The following CDK6 variants were observed in gnomAD, a reference collection of about 807,000 sequenced individuals.
CDK6 encodes cyclin-dependent kinase 6.
In CDK6, 6 loss-of-function variants were observed where a neutral mutation model predicts 37.1. The ratio of observed to expected loss-of-function variants is 0.16; its 90% CI spans 0.09 to 0.32. The LOEUF is 0.32. Among genes scored for constraint, CDK6 ranks in the 10% least tolerant of loss-of-function variants. The pLI is 1.00. For missense variants in CDK6, 224 were observed against 418.9 expected, an observed-to-expected ratio of 0.53 and a Z score of 4.06; for synonymous variants, 160 against 161.3, an observed-to-expected ratio of 0.99 and a Z score of 0.06.
At chr7:92,641,764 T>C (rs1383162621) in intron 5 of CDK6, among the ~76,000 whole-genome samples, 1 of 152,206 alleles carries the variant, frequency 6.6e-6, no homozygotes. Flanking sequence ...TGGGAGAGGA[T>C]AGCACCTGTC....
chr7:92,740,216 C>T (rs1798887168), intron 3 of CDK6, among the ~76,000 whole-genome samples: 1 of 152,232 alleles, frequency 6.6e-6, no homozygotes, highest in East Asian at 1.9e-4. Flanking sequence ...ATCCCTGTTA[C>T]TATGCTCTGA....
Position 92,733,842 on chromosome 7 carries a change from C to A in CDK6, c.370-8049G>T, listed in dbSNP as rs377108047. ...CTCTTTCCACTCTTTATAAAACATT[C>A]CTGAATATTTTTTGAAAATAAAAAT... is the stretch of plus-strand genomic sequence containing the variant. On this transcript the variant is annotated intron_variant, in intron 3 of 7. Transcript: ENST00000424848. Among the ~76,000 whole-genome samples, 21 of 152,160 alleles carry A rather than the reference C, an allele frequency of 1.4e-4. No homozygotes were observed. In the East Asian group the frequency reaches 3.3e-3, roughly 24 times the overall value.
chr7:92,680,919 A>G (rs1797320892), intron 4 of CDK6, among the ~76,000 whole-genome samples: 1 of 152,156 alleles, frequency 6.6e-6, no homozygotes, highest in Non-Finnish European at 1.5e-5. Context: ...CTGCACTTCT[A>G]TAGTACTTGA....
intron 3 of CDK6, among the ~76,000 whole-genome samples, chr7:92,731,752 TAA>T (rs556695733): frequency 3.6e-5 from 5 of 139,128 alleles, no homozygotes; most frequent in African/African-American, 7.9e-5. Context: ...TAACTGGAAA[TAA>T]AAAAAAAAAA....
intron 4 of CDK6, among the ~76,000 whole-genome samples, chr7:92,723,590 G>C (rs1798417714): frequency 6.6e-6 from 1 of 152,202 alleles, no homozygotes; most frequent in South Asian, 2.1e-4. Context: ...AAATACAAAA[G>C]AGTGGGGAAA....
chr7:92,780,414 C>T (rs1308994443), intron 2 of CDK6, among the ~76,000 whole-genome samples: 1 of 152,072 alleles, frequency 6.6e-6, no homozygotes, highest in Non-Finnish European at 1.5e-5. Flanking sequence ...TACCTAGAAC[C>T]CTTACACTTG....
At chr7:92,729,754 CTTTTCTTTTTA>C (rs1798599690) in intron 3 of CDK6, among the ~76,000 whole-genome samples, 1 of 152,056 alleles carries the variant, frequency 6.6e-6, no homozygotes, top group African/African-American at 2.4e-5. Flanking sequence ...TTTTCTTTTT[CTTTTCTTTTTA>C]GAGGCAGGGT....
At chr7:92,751,077 T>C (rs1371226066) in intron 3 of CDK6, among the ~76,000 whole-genome samples, 1 of 152,200 alleles carries the variant, frequency 6.6e-6, no homozygotes, top group African/African-American at 2.4e-5. Flanking sequence ...TTCTAATATA[T>C]ACAAAACACT....
intron 4 of CDK6, among the ~76,000 whole-genome samples, chr7:92,718,157 A>G (rs2116694986): frequency 6.6e-6 from 1 of 152,212 alleles, no homozygotes; most frequent in African/African-American, 2.4e-5. Context: ...CAAACCCTCC[A>G]TTGTTAACTA....
At chr7:92,748,777 C>T (rs1455409622) in intron 3 of CDK6, among the ~76,000 whole-genome samples, 1 of 152,122 alleles carries the variant, frequency 6.6e-6, no homozygotes, top group Non-Finnish European at 1.5e-5. Flanking sequence ...GCACTGCTTC[C>T]TGAGGCCCCA....
At chr7:92,786,544 T>C (rs1584089143) in intron 2 of CDK6, among the ~76,000 whole-genome samples, 2 of 151,844 alleles carry the variant, frequency 1.3e-5, no homozygotes, top group East Asian at 1.9e-4. Flanking sequence ...AACACTTGTT[T>C]ATGAAAATGA....
At chr7:92,806,123 TACC>T (rs1166722663) in intron 2 of CDK6, among the ~76,000 whole-genome samples, 19 of 152,332 alleles carry the variant, frequency 1.2e-4, no homozygotes, top group African/African-American at 4.3e-4. Context: ...TACCTTTATT[TACC>T]ACAATAAAAT....
At chr7:92,804,480 C>T (rs142269658) in intron 2 of CDK6, among the ~76,000 whole-genome samples, 56 of 152,294 alleles carry the variant, frequency 3.7e-4, no homozygotes, top group African/African-American at 1.3e-3. Context: ...CCCAATCAAA[C>T]AATTGTGGGA....
intron 4 of CDK6, among the ~76,000 whole-genome samples, chr7:92,680,936 C>T (rs1231840069): frequency 3.3e-5 from 5 of 152,202 alleles, no homozygotes; most frequent in African/African-American, 1.2e-4. Flanking sequence ...TTGACCCTTT[C>T]TATCTTGCAT....
intron 4 of CDK6, among the ~76,000 whole-genome samples, chr7:92,719,126 AT>A (rs1041714834): frequency 4.6e-5 from 7 of 151,724 alleles, no homozygotes; most frequent in Admixed American, 6.6e-5. Context: ...GATGTAAGTA[AT>A]TTTTTTTTCT....
chr7:92,686,779 T>G (rs185862150), intron 4 of CDK6, among the ~76,000 whole-genome samples: 1 of 152,196 alleles, frequency 6.6e-6, no homozygotes, highest in Non-Finnish European at 1.5e-5. Context: ...ACCACACCTG[T>G]GCCAACATCC....
intron 4 of CDK6, among the ~76,000 whole-genome samples, chr7:92,700,081 A>G (rs940148936): frequency 1.3e-5 from 2 of 152,192 alleles, no homozygotes; most frequent in African/African-American, 4.8e-5. Context: ...GGATAGGGGT[A>G]TCTAGTGTTA....
intron 7 of CDK6, 92 bp from the exon 8 acceptor site, chr7:92,615,378 T>C (rs2116478276): frequency 9.6e-7 from 1 of 1,039,126 alleles, no homozygotes; most frequent in Non-Finnish European, 1.5e-6. Context: ...CTGTCATATG[T>C]TAAGCGCATC....
At chr7:92,727,245 G>A (rs574564115) in intron 3 of CDK6, among the ~76,000 whole-genome samples, 21 of 152,140 alleles carry the variant, frequency 1.4e-4, no homozygotes, top group African/African-American at 4.1e-4. Flanking sequence ...AAAATGACTG[G>A]GTACCACCAT....
Sources: allele counts gnomAD v4.1 joint callset (sites outside exome capture counted in the v4.1 genomes callset), GRCh38; gene constraint gnomAD v4.1.1; transcripts MANE v1.5; gene names NCBI Gene and HGNC (gene_info 2026-07-23, HGNC 2026-07-21).